Variants in FAF1 observed in about 807,000 individuals in gnomAD.
FAF1 encodes the protein FAS-associated factor 1.
FAF1 carries 25 observed loss-of-function variants against 92.5 expected under a neutral mutation model. The observed-to-expected ratio is 0.27, with a 90% CI of 0.20 to 0.38. The LOEUF is 0.38. Ranked by LOEUF, FAF1 falls within the 10% of genes least tolerant of loss-of-function variation. The pLI, the probability that FAF1 is intolerant of heterozygous loss-of-function variation, is 1.00. For synonymous variants in FAF1, 234 were observed against 273.2 expected, an observed-to-expected ratio of 0.86 and a Z score of 1.42; for missense variants, 636 against 793.3, an observed-to-expected ratio of 0.80 and a Z score of 2.38.
chr1:50,902,520 G>A (rs1644803885), intron 1 of FAF1, among the ~76,000 whole-genome samples: 1 of 151,918 alleles, frequency 6.6e-6, no homozygotes, highest in African/African-American at 2.4e-5. Flanking sequence ...TTACATATGT[G>A]GCTCACACTC....
In FAF1 at chr1:50,582,582, G is replaced by A. The variant is rs746187670; in HGVS notation, c.1113+36C>T. On this transcript the variant is annotated intron_variant, in intron 12 of 18. Transcript: ENST00000396153. ...AGCCCTAGTGGTAAACCTGTGGGAT[G>A]CACTTTTTAATCAGAAAAGGTCAAA... The A allele has an allele frequency of 3.8e-6, 5 of 1,327,348 alleles. No individual in the cohort carries two copies. In the South Asian group the frequency reaches 5.9e-5, roughly 16 times the overall value. 82.2% of individuals were successfully genotyped at this position (1,327,348 alleles called of 1,614,324 possible). A position where few individuals can be genotyped will look rare whatever the true frequency, so the allele number is the denominator to read the frequency against.
chr1:50,647,311 T>G (rs1028604231), intron 8 of FAF1, among the ~76,000 whole-genome samples: 22 of 152,254 alleles, frequency 1.4e-4, no homozygotes, highest in African/African-American at 5.3e-4. Flanking sequence ...CACTGCTAAA[T>G]GTTCAAACTG....
In FAF1 at chr1:50,836,170, G is replaced by GTTT. The variant is rs36053491; in HGVS notation, c.114+21756_114+21758dup. Among the ~76,000 whole-genome samples, 947 of 98,492 alleles carry GTTT rather than the reference G, an allele frequency of 9.6e-3. 90 individuals are homozygous for GTTT. Among genetic ancestry groups the GTTT allele is most frequent in the African/African-American group, 0.039 (909 of 23,442 alleles). 64.6% of individuals were successfully genotyped at this position (98,492 alleles called of 152,430 possible). On this transcript the variant is annotated intron_variant, in intron 2 of 18. Transcript: ENST00000396153. ...GTGTGTGTTTTTGTTTTTTGTTTCTGTTTTTTTTTTTTTTTTTTTAGACAG... is the reference window on the plus strand; with the variant it reads ...GTGTGTGTTTTTGTTTTTTGTTTCTGTTTTTTTTTTTTTTTTTTTTTTAGACAG...
intron 18 of FAF1, among the ~76,000 whole-genome samples, chr1:50,453,545 C>T (rs574633226): frequency 3.3e-5 from 5 of 152,210 alleles, no homozygotes; most frequent in Non-Finnish European, 5.9e-5. Context: ...GTTACCAAGG[C>T]TCTCTCTGAG....
At chr1:50,937,307 G>C (rs1361432856) in intron 1 of FAF1, among the ~76,000 whole-genome samples, 2 of 152,040 alleles carry the variant, frequency 1.3e-5, no homozygotes, top group Non-Finnish European at 2.9e-5. Flanking sequence ...TGACAGACAA[G>C]CACATCCAGA....
At chr1:50,857,509 G>A (rs1644399211) in intron 2 of FAF1, among the ~76,000 whole-genome samples, 2 of 151,742 alleles carry the variant, frequency 1.3e-5, no homozygotes, top group Admixed American at 1.3e-4. Flanking sequence ...ACTGCCTGAA[G>A]TTTCTAAGGA....
At chr1:50,936,190 GC>G (rs1030838564) in intron 1 of FAF1, among the ~76,000 whole-genome samples, 2 of 152,128 alleles carry the variant, frequency 1.3e-5, no homozygotes, top group Non-Finnish European at 2.9e-5. Context: ...ACCAGAAATA[GC>G]AAAACAAGTA....
At chr1:50,632,551 T>C (rs764937270) in intron 8 of FAF1, among the ~76,000 whole-genome samples, 7 of 152,194 alleles carry the variant, frequency 4.6e-5, no homozygotes, top group Admixed American at 1.3e-4. Flanking sequence ...TTCTACTTGC[T>C]TCCAGTTTAA....
chr1:50,956,009 T>G (rs938573412), intron 1 of FAF1, among the ~76,000 whole-genome samples: 1 of 152,178 alleles, frequency 6.6e-6, no homozygotes. Context: ...TAAGGACTTA[T>G]TGTTAAATAA....
chr1:50,467,070 T>A (rs1314091983), intron 18 of FAF1, among the ~76,000 whole-genome samples: 1 of 152,166 alleles, frequency 6.6e-6, no homozygotes, highest in Admixed American at 6.5e-5. Context: ...AACTGCAGTA[T>A]GAGGACTGTT....
chr1:50,493,860 A>G (rs1160087155), intron 15 of FAF1, among the ~76,000 whole-genome samples: 3 of 152,210 alleles, frequency 2.0e-5, no homozygotes, highest in African/African-American at 2.4e-5. Flanking sequence ...TTATGCCACT[A>G]TGTACACGTA....
At chr1:50,650,233 G>A (rs1170364414) in intron 8 of FAF1, among the ~76,000 whole-genome samples, 4 of 149,844 alleles carry the variant, frequency 2.7e-5, no homozygotes, top group African/African-American at 7.4e-5. Context: ...GCGGTGAGCC[G>A]GGATCACACC....
At chr1:50,748,288 G>A (rs1274928954) in intron 4 of FAF1, among the ~76,000 whole-genome samples, 1 of 152,092 alleles carries the variant, frequency 6.6e-6, no homozygotes, top group African/African-American at 2.4e-5. Flanking sequence ...CTGAGGTCAG[G>A]AGTTCGAGAC....
At chr1:50,836,951 CTTT>C (rs528322924) in intron 2 of FAF1, among the ~76,000 whole-genome samples, 4 of 76,706 alleles carry the variant, frequency 5.2e-5, no homozygotes, top group Non-Finnish European at 7.1e-5. Flanking sequence ...TGTTATGTTT[CTTT>C]TTTTTTTTTT....
chr1:50,707,877 G>A (rs1657751709), intron 6 of FAF1, among the ~76,000 whole-genome samples: 1 of 152,164 alleles, frequency 6.6e-6, no homozygotes, highest in Non-Finnish European at 1.5e-5. Context: ...TACCATAGGA[G>A]TTAAGACTTT....
chr1:50,451,708 G>C, intron 18 of FAF1: 1 of 265,614 alleles, frequency 3.8e-6, no homozygotes, highest in Non-Finnish European at 5.8e-6. Context: ...GACAGAGCTA[G>C]TAATTGTTAG....
At chr1:50,546,899 T>A (rs114727588) in intron 13 of FAF1, among the ~76,000 whole-genome samples, 1 of 152,076 alleles carries the variant, frequency 6.6e-6, no homozygotes, top group Non-Finnish European at 1.5e-5. Flanking sequence ...TTAAACATAT[T>A]TTTCTATTTT....
intron 8 of FAF1, among the ~76,000 whole-genome samples, chr1:50,598,109 C>T (rs1651915608): frequency 6.6e-6 from 1 of 152,062 alleles, no homozygotes; most frequent in African/African-American, 2.4e-5. Flanking sequence ...GCTTGGGCAA[C>T]ATAGTGAGAT....
intron 2 of FAF1, among the ~76,000 whole-genome samples, chr1:50,815,216 C>T (rs1643955593): frequency 6.6e-6 from 1 of 152,032 alleles, no homozygotes; most frequent in Admixed American, 6.5e-5. Flanking sequence ...GGTACTTTTT[C>T]AACCCCTGTC....
Sources: gnomAD v4.1 joint callset for allele counts (sites outside exome capture counted in the v4.1 genomes callset) on GRCh38, gnomAD v4.1.1 for gene constraint, MANE v1.5 for transcripts, NCBI Gene and HGNC (gene_info 2026-07-23, HGNC 2026-07-21) for gene names.